Variants in DNAH5 observed in about 807,000 individuals in gnomAD.
DNAH5 encodes dynein axonemal heavy chain 5.
In DNAH5, 372 loss-of-function variants were observed where a neutral mutation model predicts 518.2. The ratio of observed to expected loss-of-function variants is 0.72; its 90% CI spans 0.66 to 0.78. DNAH5 has a LOEUF of 0.78. Ranked by LOEUF, DNAH5 falls within the 30% of genes least tolerant of loss-of-function variation. The pLI, the probability that DNAH5 is intolerant of heterozygous loss-of-function variation, is 0.00. For missense variants in DNAH5, 5,523 were observed against 5,687.0 expected, an observed-to-expected ratio of 0.97 and a Z score of 0.93; for synonymous variants, 2,039 against 2,025.9, an observed-to-expected ratio of 1.01 and a Z score of -0.17.
rs950118469 is a variant in DNAH5, at chr5:13,901,427, T to C, written c.1877A>G (p.Lys626Arg). The change falls in exon 14 of 79, where the codon AAG becomes AGG. Residue 626 changes from lysine (K) to arginine (R), a missense_variant. Transcript: ENST00000265104. The part of the protein sequence containing the change: ...LARNQPPIAG[K>R]ILWARQLFHR... ...GAAGAGCTGGCGGGCCCACAAAATC[T>C]TTCCAGCGATGGGAGGCTGGTTTCG... The C allele has an allele frequency of 8.1e-6, 13 of 1,614,076 alleles. No homozygotes were observed. The highest frequency in any genetic ancestry group is 9.3e-6 in the Non-Finnish European group (11 of 1,180,002).
chr5:13,888,439 C>G (rs1314133073), intron 17 of DNAH5, among the ~76,000 whole-genome samples: 1 of 152,186 alleles, frequency 6.6e-6, no homozygotes, highest in South Asian at 2.1e-4. Flanking sequence ...CAAATCTAAC[C>G]GTAGAAGTCA....
chr5:13,820,226 C>T, intron 41 of DNAH5, 120 bp downstream of exon 41: 1 of 1,013,292 alleles, frequency 9.9e-7, no homozygotes, highest in Non-Finnish European at 1.5e-6. Flanking sequence ...ATTAATAAAG[C>T]AGTATTTCCT....
chr5:13,842,868 AAG>A (rs1455549128), intron 32 of DNAH5, among the ~76,000 whole-genome samples: 1 of 152,222 alleles, frequency 6.6e-6, no homozygotes, highest in Non-Finnish European at 1.5e-5. Context: ...ACGCGATCTT[AAG>A]AAACAGCTGC....
rs749078502 is a variant in DNAH5 at position 13,922,261 on chromosome 5, G to A, written c.506C>T (p.Ser169Leu). 31 of 1,613,792 alleles carry A rather than the reference G, an allele frequency of 1.9e-5. No homozygotes were observed. The highest frequency in any genetic ancestry group is 8.3e-5 in the Admixed American group (5 of 60,012). The change falls in exon 5 of 79, where the codon TCG becomes TTG. Residue 169 changes from serine (S) to leucine (L), a missense_variant. Physicochemically the swap from Ser to Leu is moderately radical, Grantham distance 145. This residue lies in a region of DNAH5 where 5,121 missense variants were observed against 5,223.3 expected (regional missense o/e 0.98). Coordinates refer to ENST00000265104, the MANE Select transcript of DNAH5 (RefSeq NM_001369.3). The part of the protein sequence containing the change: ...GLLNSVRRLL[S>L]DIFIPALRAT... ...TCTGAGAGCAGGAATGAAGATGTCC[G>A]ACAGCAAACGTCTCACACTGTTGAG...
intron 55 of DNAH5, 34 bp downstream of exon 55, chr5:13,776,403 CAT>C: frequency 6.2e-7 from 1 of 1,613,116 alleles, no homozygotes; most frequent in Non-Finnish European, 8.5e-7. Flanking sequence ...TCCTTGAACA[CAT>C]GTTATGCCCT....
intron 1 of DNAH5, among the ~76,000 whole-genome samples, chr5:13,950,617 T>C (rs544576206): frequency 1.1e-4 from 17 of 152,270 alleles, no homozygotes; most frequent in South Asian, 2.1e-4. Context: ...CTGAAATTTT[T>C]CTCCCAAACC....
chr5:13,768,265 A>T (rs1752778729), intron 58 of DNAH5, among the ~76,000 whole-genome samples: 1 of 151,968 alleles, frequency 6.6e-6, no homozygotes, highest in Admixed American at 6.6e-5. Context: ...GTGAGTTCTC[A>T]GGAGATCTGA....
chr5:13,713,431 C>A (rs1221829501), intron 75 of DNAH5, among the ~76,000 whole-genome samples: 180 of 20,160 alleles, frequency 8.9e-3, no homozygotes, highest in South Asian at 0.012. Flanking sequence ...ATATATACAT[C>A]GACATATATA....
rs956097467 is a variant in DNAH5, at chr5:13,854,384, A to T, written c.4951-3569T>A. 5.9e-5 allele frequency among the ~76,000 whole-genome samples: 9 copies of T among 152,248 alleles called. 1 individual carries two copies. Among genetic ancestry groups the T allele is most frequent in the Non-Finnish European group, 1.0e-4 (7 of 68,046 alleles). ...CCTGAAGGAAGCACTAAATACAGAA[A>T]GGAAAAACCAGAACCAGCCACTGCA... On this transcript the variant is annotated intron_variant, in intron 30 of 78. Transcript: ENST00000265104.
Position 13,769,059 on chromosome 5 carries a change from G to A in DNAH5, c.9798C>T (p.Ala3266=). 6.2e-7 allele frequency: 1 copy of A among 1,614,172 alleles called. No individual in the cohort carries two copies. The highest frequency in any genetic ancestry group is 8.5e-7 in the Non-Finnish European group (1 of 1,180,018). Residue 3266 remains alanine (A), a synonymous_variant, in exon 58 of 79, where the codon GCC becomes GCT. Coordinates refer to ENST00000265104, the MANE Select transcript of DNAH5 (RefSeq NM_001369.3). Reference sequence around the variant, plus strand: ...TAGAGATGCTGTCCACAATGGCCTGGGCCCTGTCCTTCACCTTCTGTACCT... The same window carrying A: ...TAGAGATGCTGTCCACAATGGCCTGAGCCCTGTCCTTCACCTTCTGTACCT... ...KAEVQKVKDR[A]QAIVDSISKD...
At chr5:13,847,880 G>A (rs191411911) in intron 31 of DNAH5, among the ~76,000 whole-genome samples, 70 of 152,298 alleles carry the variant, frequency 4.6e-4, no homozygotes, top group Non-Finnish European at 5.7e-4. Flanking sequence ...TCCTCGGCAA[G>A]TGTTTTAGTG....
Position 13,786,333 on chromosome 5 carries a change from G to T in DNAH5, c.8666C>A (p.Ala2889Asp). 6.2e-7 allele frequency: 1 copy of T among 1,614,050 alleles called. No homozygotes were observed. The highest frequency in any genetic ancestry group is 8.5e-7 in the Non-Finnish European group (1 of 1,180,024). The change falls in exon 52 of 79, where the codon GCT becomes GAT. Residue 2889 changes from alanine (A) to aspartate (D), a missense_variant. By Grantham distance (126) the Ala-to-Asp change is moderately radical. Transcript: ENST00000265104. ...ATAAATTTTAGGTGTTTCAGCATCA[G>T]CCTCTTCAGATGTTTCACCTTTGGT... ...PEAAGETSEEADAETPKIYEP... is the reference protein window; with the variant it reads ...PEAAGETSEEDDAETPKIYEP...
intron 17 of DNAH5, among the ~76,000 whole-genome samples, chr5:13,889,370 T>A (rs1012026877): frequency 7.2e-5 from 11 of 152,140 alleles, no homozygotes; most frequent in Non-Finnish European, 1.5e-4. Context: ...GACTAGAAAT[T>A]TCTAACATGT....
chr5:13,961,513 G>C (rs339437), intron 1 of DNAH5, among the ~76,000 whole-genome samples: 7,159 of 152,020 alleles, frequency 0.047, 526 homozygotes, highest in African/African-American at 0.16. Flanking sequence ...GTGTGGTGGC[G>C]GGCACCTGTA....
intron 1 of DNAH5, among the ~76,000 whole-genome samples, chr5:13,936,837 C>A (rs1033341372): frequency 6.6e-6 from 1 of 152,166 alleles, no homozygotes; most frequent in Non-Finnish European, 1.5e-5. Flanking sequence ...ACTCCACTGA[C>A]CCCATTGGCA....
chr5:13,786,799 T>C (rs1756099198), intron 51 of DNAH5, among the ~76,000 whole-genome samples: 1 of 152,140 alleles, frequency 6.6e-6, no homozygotes, highest in African/African-American at 2.4e-5. Flanking sequence ...GTGGTAAAAA[T>C]AGAAGTGAAT....
At chr5:13,778,066 C>A (rs563264917) in intron 53 of DNAH5, among the ~76,000 whole-genome samples, 53 of 152,210 alleles carry the variant, frequency 3.5e-4, no homozygotes, top group African/African-American at 1.3e-3. Flanking sequence ...CTCAGACTTA[C>A]TAAATTATTA....
At chr5:13,730,334 A>G (rs564204540) in intron 68 of DNAH5, among the ~76,000 whole-genome samples, 3 of 152,398 alleles carry the variant, frequency 2.0e-5, no homozygotes, top group Admixed American at 2.0e-4. Context: ...GAAAGAGTTA[A>G]GAATAAAGGA....
chr5:13,837,458 G>A (rs11133765), intron 35 of DNAH5, among the ~76,000 whole-genome samples: 32,271 of 151,670 alleles, frequency 0.21, 3,547 homozygotes, highest in East Asian at 0.5. Context: ...GAGTCAGTGG[G>A]GGTGTTGGCT....
Sources: gnomAD v4.1 joint callset for allele counts (sites outside exome capture counted in the v4.1 genomes callset) on GRCh38, gnomAD v4.1.1 for gene constraint, gnomAD v4.1.1 regional missense constraint, MANE v1.5 for transcripts, NCBI Gene and HGNC (gene_info 2026-07-23, HGNC 2026-07-21) for gene names.